The following KIAA0232 variants were observed in gnomAD, a reference collection of about 807,000 sequenced individuals.
The protein encoded by KIAA0232 is KIAA0232, also known as uncharacterized protein KIAA0232.
A neutral mutation model predicts 122.0 loss-of-function variants in KIAA0232; 27 were observed. That is an observed-to-expected ratio of 0.22 (90% CI 0.16 to 0.31). The LOEUF is 0.31. Ranked by LOEUF, KIAA0232 falls within the 10% of genes least tolerant of loss-of-function variation. The pLI, the probability that KIAA0232 is intolerant of heterozygous loss-of-function variation, is 1.00. For missense variants in KIAA0232, 1,551 were observed against 1,634.2 expected (o/e 0.95, Z 0.88); for synonymous variants, 613 against 587.6 (o/e 1.04, Z -0.63).
At chr4:6,841,553 C>G (rs550598519) in intron 3 of KIAA0232, among the ~76,000 whole-genome samples, 1 of 152,018 alleles carries the variant, frequency 6.6e-6, no homozygotes, top group African/African-American at 2.4e-5. Flanking sequence ...AATACATAAA[C>G]TTTTTTTATA....
intron 4 of KIAA0232, 120 bp downstream of exon 4, chr4:6,842,324 A>G: frequency 1.0e-6 from 1 of 988,686 alleles, no homozygotes; most frequent in Non-Finnish European, 1.5e-6. Flanking sequence ...TATTTTACCA[A>G]GTAACATGAA....
chr4:6,813,608 C>T (rs1199143478), intron 2 of KIAA0232, among the ~76,000 whole-genome samples: 11 of 152,062 alleles, frequency 7.2e-5, no homozygotes, highest in South Asian at 2.1e-4. Flanking sequence ...GTGATCCGCC[C>T]GCCTCGGCCT....
At chr4:6,874,964 C>T (rs1560212456) in intron 8 of KIAA0232, among the ~76,000 whole-genome samples, 1 of 152,182 alleles carries the variant, frequency 6.6e-6, no homozygotes, top group Non-Finnish European at 1.5e-5. Context: ...TGGAGATGGG[C>T]CTGCCTGCCT....
chr4:6,871,480 C>A, intron 7 of KIAA0232, 94 bp from the exon 8 acceptor site: 1 of 718,622 alleles, frequency 1.4e-6, no homozygotes, highest in Admixed American at 2.5e-5. Context: ...TTTAAAAGTT[C>A]TGGGTTTATA....
chr4:6,822,927 C>T (rs1168483785), intron 2 of KIAA0232, among the ~76,000 whole-genome samples: 2 of 111,150 alleles, frequency 1.8e-5, no homozygotes, highest in South Asian at 7.4e-4. Context: ...ATCCCTCCCC[C>T]CTCCCCCCAC....
intron 1 of KIAA0232, among the ~76,000 whole-genome samples, chr4:6,789,505 C>T (rs2108864241): frequency 6.6e-6 from 1 of 152,112 alleles, no homozygotes; most frequent in East Asian, 1.9e-4. Context: ...AACTCCTGAC[C>T]TCATGATCTT....
intron 3 of KIAA0232, among the ~76,000 whole-genome samples, chr4:6,840,215 A>G (rs919162853): frequency 2.6e-5 from 4 of 152,240 alleles, no homozygotes; most frequent in Admixed American, 1.3e-4. Context: ...GGTGGTGACA[A>G]TGAGCATGCT....
intron 1 of KIAA0232, among the ~76,000 whole-genome samples, chr4:6,789,750 C>T (rs1322397688): frequency 6.6e-6 from 1 of 152,158 alleles, no homozygotes; most frequent in African/African-American, 2.4e-5. Flanking sequence ...GAAAATTGGC[C>T]AGGCATGCTG....
chr4:6,837,952 G>A (rs1452292186), intron 3 of KIAA0232, among the ~76,000 whole-genome samples: 1 of 152,010 alleles, frequency 6.6e-6, no homozygotes, highest in Non-Finnish European at 1.5e-5. Context: ...AGAGGCAGAG[G>A]CGGTTGTTTG....
At chr4:6,784,191 C>T in intron 1 of KIAA0232, among the ~76,000 whole-genome samples, 1 of 151,378 alleles carries the variant, frequency 6.6e-6, no homozygotes, top group South Asian at 2.1e-4. Flanking sequence ...TAATAATTAC[C>T]TGGGTTGGAT....
intron 2 of KIAA0232, among the ~76,000 whole-genome samples, chr4:6,813,364 T>C (rs1252052699): frequency 2.0e-5 from 3 of 151,658 alleles, no homozygotes; most frequent in Non-Finnish European, 4.4e-5. Flanking sequence ...TTTTTTTTTT[T>C]GTTTTTTGTT....
intron 1 of KIAA0232, among the ~76,000 whole-genome samples, chr4:6,792,184 A>G (rs918923071): frequency 2.0e-5 from 3 of 152,204 alleles, no homozygotes; most frequent in East Asian, 3.8e-4. Context: ...ACACAGATCT[A>G]CTTTAGGTAC....
intron 3 of KIAA0232, among the ~76,000 whole-genome samples, chr4:6,836,114 A>G (rs947690294): frequency 6.6e-6 from 1 of 152,192 alleles, no homozygotes; most frequent in Non-Finnish European, 1.5e-5. Context: ...ATCTCTCCAC[A>G]TCTTCTCCAG....
At chr4:6,876,150 G>A (rs1251682522) in intron 8 of KIAA0232, among the ~76,000 whole-genome samples, 1 of 152,162 alleles carries the variant, frequency 6.6e-6, no homozygotes, top group African/African-American at 2.4e-5. Context: ...TGTGATACAT[G>A]GTTCAGTATG....
intron 1 of KIAA0232, among the ~76,000 whole-genome samples, chr4:6,797,920 C>T (rs1411904025): frequency 2.6e-5 from 4 of 151,536 alleles, no homozygotes; most frequent in Non-Finnish European, 5.9e-5. Flanking sequence ...TAGCCGGGCA[C>T]AGTGGCGGGC....
At chr4:6,843,187 A>G (rs975552857) in intron 4 of KIAA0232, among the ~76,000 whole-genome samples, 5 of 152,188 alleles carry the variant, frequency 3.3e-5, no homozygotes, top group African/African-American at 1.2e-4. Context: ...TATTCACTCT[A>G]AGATGTTATC....
Position 6,861,163 on chromosome 4 carries a change from A to G in KIAA0232, c.781A>G (p.Asn261Asp). 1.2e-6 allele frequency: 2 copies of G among 1,614,214 alleles called. No homozygotes were observed. Among genetic ancestry groups the G allele is most frequent in the Middle Eastern group, 1.6e-4 (1 of 6,062 alleles). Residue 261 changes from asparagine to aspartate, a missense_variant, in exon 7 of 10, where the codon AAT becomes GAT. This residue lies in a region of KIAA0232 where 377 missense variants were observed against 381.7 expected (regional missense o/e 0.99). Transcript: ENST00000307659. ...SKNEKENKFS[N>D]GTIEEKPALY... ...AAACGAGAAGGAAAACAAATTTAGT[A>G]ATGGCACAATTGAAGAAAAGCCTGC... is the stretch of plus-strand genomic sequence containing the variant.
intron 8 of KIAA0232, among the ~76,000 whole-genome samples, chr4:6,872,727 C>T (rs1202273880): frequency 6.6e-6 from 1 of 152,228 alleles, no homozygotes; most frequent in African/African-American, 2.4e-5. Context: ...ACGTGTTTGT[C>T]ACATCCCCTC....
intron 1 of KIAA0232, among the ~76,000 whole-genome samples, chr4:6,794,334 T>C (rs1186812022): frequency 6.6e-6 from 1 of 152,214 alleles, no homozygotes; most frequent in Non-Finnish European, 1.5e-5. Context: ...GAAGCATGGC[T>C]TGGTGTCAGT....
Sources: allele counts gnomAD v4.1 joint callset (sites outside exome capture counted in the v4.1 genomes callset), GRCh38; gene constraint gnomAD v4.1.1; regional missense constraint gnomAD v4.1.1; transcripts MANE v1.5; gene names NCBI Gene and HGNC (gene_info 2026-07-23, HGNC 2026-07-21).